The following PID1 variants were observed in gnomAD, a reference collection of about 807,000 sequenced individuals.
The protein encoded by PID1 is PTB-containing, cubilin and LRP1-interacting protein.
Under a neutral mutation model 19.1 loss-of-function variants are expected in PID1, and 10 were observed. The ratio of observed to expected loss-of-function variants is 0.52; its 90% confidence interval spans 0.32 to 0.89. The LOEUF is 0.89. PID1 is among the 40% of genes least tolerant of loss of function. The pLI is 0.03. For missense variants in PID1, 248 were observed against 285.3 expected, an observed-to-expected ratio of 0.87 and a Z score of 0.94; for synonymous variants, 130 against 116.0, an observed-to-expected ratio of 1.12 and a Z score of -0.78.
At chr2:229,212,220 A>G (rs1441799595) in intron 1 of PID1, among the ~76,000 whole-genome samples, 1 of 152,188 alleles carries the variant, frequency 6.6e-6, no homozygotes, top group African/African-American at 2.4e-5. Flanking sequence ...TTAAAATACA[A>G]TTTTCCTCAA....
At position 229,139,131 on chromosome 2, in the gene PID1, A is replaced by G. The variant is rs1052921033; in HGVS notation, c.177+16687T>C. Among the ~76,000 whole-genome samples, 24 of 116,474 alleles carry G rather than the reference A, an allele frequency of 2.1e-4. 1 individual carries two copies. The highest frequency in any genetic ancestry group is 7.3e-4 in the African/African-American group (21 of 28,880). 76.4% of individuals were successfully genotyped at this position (116,474 alleles called of 152,430 possible). A position where few individuals can be genotyped will look rare whatever the true frequency, so the allele number is the denominator to read the frequency against. On this transcript the variant is annotated intron_variant, in intron 2 of 2. Transcript: ENST00000392055. ...AGAAAGAAAGAGAAAGAAAGAAAGA[A>G]AGAAAGAAAGAAAGAAAGCAAGCGA...
At chr2:229,161,212 C>G (rs572978588) in intron 1 of PID1, among the ~76,000 whole-genome samples, 24 of 152,232 alleles carry the variant, frequency 1.6e-4, no homozygotes, top group African/African-American at 5.8e-4. Context: ...GATGTGAGCC[C>G]AGAGCTGCTG....
intron 2 of PID1, among the ~76,000 whole-genome samples, chr2:229,103,860 A>G (rs1008531659): frequency 2.6e-5 from 4 of 152,280 alleles, no homozygotes; most frequent in Non-Finnish European, 5.9e-5. Flanking sequence ...TACAGTCGTG[A>G]GCCACCACAC....
At chr2:229,237,042 T>G (rs1689721651) in intron 1 of PID1, among the ~76,000 whole-genome samples, 1 of 151,080 alleles carries the variant, frequency 6.6e-6, no homozygotes, top group East Asian at 1.9e-4. Context: ...CTAATATAGA[T>G]GAGGATCTAA....
At chr2:229,098,156 G>A (rs765133163) in intron 2 of PID1, among the ~76,000 whole-genome samples, 10 of 152,190 alleles carry the variant, frequency 6.6e-5, no homozygotes, top group South Asian at 2.1e-4. Flanking sequence ...GCTAACAGGT[G>A]CGCTCTGTGC....
chr2:229,076,736 T>C (rs1224410728), intron 2 of PID1, among the ~76,000 whole-genome samples: 1 of 152,238 alleles, frequency 6.6e-6, no homozygotes, highest in African/African-American at 2.4e-5. Flanking sequence ...CTCTCTTTTA[T>C]GGCTGCATAG....
intron 2 of PID1, among the ~76,000 whole-genome samples, chr2:229,105,470 A>G (rs1251902567): frequency 1.3e-5 from 2 of 152,214 alleles, no homozygotes; most frequent in African/African-American, 4.8e-5. Flanking sequence ...GAGATATGCA[A>G]TTTTTTAAAG....
At chr2:229,054,713 TGTGTGTGGGG>T (rs1559212254) in intron 2 of PID1, among the ~76,000 whole-genome samples, 4 of 43,476 alleles carry the variant, frequency 9.2e-5, no homozygotes, top group Admixed American at 2.6e-4. Flanking sequence ...AGTGTGTGTG[TGTGTGTGGGG>T]GGGGGGGGGG....
intron 1 of PID1, among the ~76,000 whole-genome samples, chr2:229,178,159 T>A (rs1373444380): frequency 2.6e-5 from 4 of 152,246 alleles, no homozygotes; most frequent in African/African-American, 9.6e-5. Flanking sequence ...GCTATATTTT[T>A]ATTTTATCAG....
At chr2:229,236,548 C>A (rs1340655107) in intron 1 of PID1, 1 of 152,130 alleles carries the variant, frequency 6.6e-6, no homozygotes, top group Non-Finnish European at 1.5e-5. Context: ...ACAGTCAGAA[C>A]AACTGAATAA....
At chr2:229,056,558 G>T (rs31277) in intron 2 of PID1, among the ~76,000 whole-genome samples, 1 of 150,814 alleles carries the variant, frequency 6.6e-6, no homozygotes, top group Non-Finnish European at 1.5e-5. Flanking sequence ...ATTTCAAAAA[G>T]TAAAAAAACA....
intron 2 of PID1, among the ~76,000 whole-genome samples, chr2:229,150,075 A>G (rs1386401487): frequency 1.3e-5 from 2 of 151,912 alleles, no homozygotes; most frequent in Non-Finnish European, 2.9e-5. Context: ...TCCTACTAAA[A>G]TTATAAAAAT....
At chr2:229,137,281 C>T (rs1403520581) in intron 2 of PID1, among the ~76,000 whole-genome samples, 1 of 152,212 alleles carries the variant, frequency 6.6e-6, no homozygotes, top group African/African-American at 2.4e-5. Flanking sequence ...GTCAAATGCG[C>T]TACACTCATT....
At chr2:229,139,149 G>GA (rs1689957730) in intron 2 of PID1, among the ~76,000 whole-genome samples, 1 of 128,572 alleles carries the variant, frequency 7.8e-6, no homozygotes, top group African/African-American at 3.0e-5. Context: ...AAGAAAGAAA[G>GA]CAAGCGAGCG....
chr2:229,098,172 A>G (rs1455057975), intron 2 of PID1, among the ~76,000 whole-genome samples: 1 of 152,210 alleles, frequency 6.6e-6, no homozygotes, highest in Non-Finnish European at 1.5e-5. Context: ...TGTGCAAAAC[A>G]CTGACGTTCC....
At chr2:229,041,010 G>C (rs987478859) in intron 2 of PID1, among the ~76,000 whole-genome samples, 5 of 152,148 alleles carry the variant, frequency 3.3e-5, no homozygotes, top group African/African-American at 1.2e-4. Flanking sequence ...AATATATCTA[G>C]ATATGTAGAC....
chr2:229,079,547 G>C (rs535907957), intron 2 of PID1, among the ~76,000 whole-genome samples: 1 of 152,218 alleles, frequency 6.6e-6, no homozygotes, highest in South Asian at 2.1e-4. Context: ...TGTTTCCCCA[G>C]TTCTCCACTG....
chr2:229,140,948 A>G (rs533406727), intron 2 of PID1, among the ~76,000 whole-genome samples: 2 of 151,642 alleles, frequency 1.3e-5, no homozygotes, highest in South Asian at 4.2e-4. Context: ...CTAGTAGAGG[A>G]TTTTACTGAC....
intron 2 of PID1, among the ~76,000 whole-genome samples, chr2:229,151,031 A>G (rs1325401453): frequency 6.6e-6 from 1 of 152,208 alleles, no homozygotes; most frequent in African/African-American, 2.4e-5. Context: ...GAAAGAGAGC[A>G]GGATGGGATG....
Sources: gnomAD v4.1 joint callset for allele counts (sites outside exome capture counted in the v4.1 genomes callset) on GRCh38, gnomAD v4.1.1 for gene constraint, MANE v1.5 for transcripts, NCBI Gene and HGNC (gene_info 2026-07-23, HGNC 2026-07-21) for gene names.